SLC30A7: variants seen among roughly 807,000 people sequenced by gnomAD.
SLC30A7 encodes solute carrier family 30 member 7.
In SLC30A7, 35 loss-of-function variants were observed where a neutral mutation model predicts 46.0. The observed-to-expected ratio is 0.76, with a 90% CI of 0.58 to 1.01. The LOEUF is 1.01. Among genes scored for constraint, SLC30A7 ranks in the 50% least tolerant of loss-of-function variants. The probability of loss-of-function intolerance (pLI) is 0.00; values close to 1 mark genes in which losing one functional copy is unlikely to be tolerated. For missense variants in SLC30A7, 464 were observed against 451.1 expected (o/e 1.03, Z -0.26); for synonymous variants, 147 against 157.8 (o/e 0.93, Z 0.51).
chr1:100,974,097 G>A (rs116121094), intron 10 of SLC30A7, among the ~76,000 whole-genome samples: 5 of 152,084 alleles, frequency 3.3e-5, no homozygotes, highest in African/African-American at 7.2e-5. Context: ...GTTGCTTTTT[G>A]TTGTTGTTTT....
intron 6 of SLC30A7, among the ~76,000 whole-genome samples, chr1:100,915,248 T>TCTTTCTTC (rs1446686068): frequency 5.1e-5 from 7 of 137,330 alleles, no homozygotes; most frequent in African/African-American, 8.2e-5. Flanking sequence ...TTTCTTTCTT[T>TCTTTCTTC]CTTTCTTCCT....
chr1:100,984,223 T>C (rs1657143477), downstream of SLC30A7, among the ~76,000 whole-genome samples: 3 of 152,204 alleles, frequency 2.0e-5, no homozygotes, highest in Non-Finnish European at 4.4e-5. Context: ...ACAGCAACCC[T>C]GTTGCTTTTT....
At chr1:100,958,699 A>G (rs531176339) in intron 8 of SLC30A7, among the ~76,000 whole-genome samples, 20 of 152,366 alleles carry the variant, frequency 1.3e-4, no homozygotes, top group Non-Finnish European at 2.8e-4. Context: ...TTTATGAATT[A>G]ATTATGTTTA....
At chr1:100,902,409 A>AT (rs1452073752) in intron 2 of SLC30A7, among the ~76,000 whole-genome samples, 13 of 152,216 alleles carry the variant, frequency 8.5e-5, no homozygotes, top group African/African-American at 2.4e-4. Flanking sequence ...TTTTATTTTT[A>AT]TTTTTTGCAT....
chr1:100,983,400 A>C (rs1342684933), downstream of SLC30A7, among the ~76,000 whole-genome samples: 67 of 147,078 alleles, frequency 4.6e-4, no homozygotes, highest in Non-Finnish European at 7.7e-4. Flanking sequence ...ACAAAACAAA[A>C]CAAAACAAAA....
At chr1:100,953,498 T>G (rs985441727) in intron 8 of SLC30A7, among the ~76,000 whole-genome samples, 4 of 152,214 alleles carry the variant, frequency 2.6e-5, no homozygotes, top group African/African-American at 9.6e-5. Context: ...ATCTGGTTTT[T>G]CTAAACAAGG....
intron 8 of SLC30A7, among the ~76,000 whole-genome samples, chr1:100,961,571 GATGAT>G (rs1340011366): frequency 6.6e-6 from 1 of 152,180 alleles, no homozygotes; most frequent in Non-Finnish European, 1.5e-5. Flanking sequence ...GCTGGGTTTA[GATGAT>G]ATGATATTAT....
chr1:100,896,388 G>A, intron 1 of SLC30A7, 46 bp downstream of exon 1: 1 of 1,600,816 alleles, frequency 6.2e-7, no homozygotes, highest in Non-Finnish European at 8.6e-7. Flanking sequence ...GGCAGAAAGG[G>A]AGAAGGCCCA....
At chr1:100,985,271 A>T (rs1657200363), downstream of SLC30A7, among the ~76,000 whole-genome samples, 1 of 152,220 alleles carries the variant, frequency 6.6e-6, no homozygotes, top group South Asian at 2.1e-4. Context: ...CTGAAGAAAT[A>T]ATGGCTGTAA....
the SLC30A7 span, among the ~76,000 whole-genome samples, chr1:100,988,479 T>C: frequency 6.6e-6 from 1 of 152,196 alleles, no homozygotes; most frequent in African/African-American, 2.4e-5. Context: ...ATGTTTAGTT[T>C]AACATATGAG....
At chr1:100,995,057 G>T in the SLC30A7 span, 4 of 1,282,948 alleles carry the variant, frequency 3.1e-6, no homozygotes, top group East Asian at 2.3e-5. Context: ...AGAATGTATT[G>T]AATTGTTCAA....
the SLC30A7 span, among the ~76,000 whole-genome samples, chr1:100,987,234 G>A: frequency 6.6e-6 from 1 of 152,088 alleles, no homozygotes; most frequent in Admixed American, 6.5e-5. Flanking sequence ...TCCACTTGGG[G>A]TTCACTCAGT....
chr1:100,900,854 A>G (rs1651262142), intron 2 of SLC30A7, among the ~76,000 whole-genome samples: 1 of 152,216 alleles, frequency 6.6e-6, no homozygotes, highest in African/African-American at 2.4e-5. Flanking sequence ...AACAAACAAT[A>G]TAAATATACC....
At chr1:100,959,486 T>G (rs920424448) in intron 8 of SLC30A7, among the ~76,000 whole-genome samples, 1 of 152,190 alleles carries the variant, frequency 6.6e-6, no homozygotes, top group African/African-American at 2.4e-5. Flanking sequence ...CCAAGGTTCA[T>G]TTGGGGGAGA....
chr1:100,970,819 A>T (rs1300924109), intron 10 of SLC30A7, among the ~76,000 whole-genome samples: 1 of 152,018 alleles, frequency 6.6e-6, no homozygotes, highest in African/African-American at 2.4e-5. Flanking sequence ...ATTTTAATAT[A>T]CCTTTTTTGT....
rs1167882340 is a variant in SLC30A7, at chr1:100,970,821, C to CT, written c.1084-3983dup. ...TGTAATCCTAAAAATTTTAATATACCTTTTTTGTTAGAAATAATGTTTGAA... is the reference window on the plus strand; with the variant it reads ...TGTAATCCTAAAAATTTTAATATACCTTTTTTTGTTAGAAATAATGTTTGAA... On this transcript the variant is annotated intron_variant, in intron 10 of 10. Transcript: ENST00000357650. Among the ~76,000 whole-genome samples, 6 of 151,364 alleles carry CT rather than the reference C, an allele frequency of 4.0e-5. No individual in the cohort carries two copies. In the East Asian group the frequency reaches 9.7e-4, roughly 24 times the overall value.
chr1:100,943,311 G>A (rs1000100145), intron 8 of SLC30A7, among the ~76,000 whole-genome samples: 4 of 152,118 alleles, frequency 2.6e-5, no homozygotes, highest in South Asian at 2.1e-4. Flanking sequence ...GTTTACTAGC[G>A]TATTATAAAG....
intron 8 of SLC30A7, among the ~76,000 whole-genome samples, chr1:100,949,988 C>T (rs1353904698): frequency 6.6e-6 from 1 of 152,206 alleles, no homozygotes; most frequent in Non-Finnish European, 1.5e-5. Context: ...TGATGCCCCA[C>T]CCTGCTTCAG....
At chr1:100,928,456 A>C (rs1239899267) in intron 8 of SLC30A7, among the ~76,000 whole-genome samples, 1 of 150,024 alleles carries the variant, frequency 6.7e-6, no homozygotes, top group East Asian at 1.9e-4. Context: ...ATTTAAAAGT[A>C]GTTTTTTTAA....
Sources: allele counts gnomAD v4.1 joint callset (sites outside exome capture counted in the v4.1 genomes callset), GRCh38; gene constraint gnomAD v4.1.1; transcripts MANE v1.5; gene names NCBI Gene and HGNC (gene_info 2026-07-23, HGNC 2026-07-21).